HLF: variants seen among roughly 807,000 people sequenced by gnomAD.
HLF encodes hepatic leukemia factor.
In HLF, 3 loss-of-function variants were observed where a neutral mutation model predicts 22.6. The observed-to-expected ratio is 0.13, with a 90% CI of 0.06 to 0.34. The LOEUF (loss-of-function observed/expected upper bound fraction) is 0.34, where lower values mean the gene tolerates loss of function less well. Among genes scored for constraint, HLF ranks in the 10% least tolerant of loss-of-function variants. HLF has a pLI of 1.00. For synonymous variants in HLF, 151 were observed against 151.8 expected (o/e 0.99, Z 0.04); for missense variants, 299 against 389.2 (o/e 0.77, Z 1.95).
chr17:55,320,681 A>T lies in HLF; in HGVS notation c.690A>T (p.Ala230=). 6.2e-7 allele frequency: 1 copy of T among 1,614,140 alleles called. No homozygotes were observed. Among genetic ancestry groups the T allele is most frequent in the Non-Finnish European group, 8.5e-7 (1 of 1,179,982 alleles). Residue 230 remains alanine (A), a synonymous_variant, in exon 4 of 4, where the codon GCA becomes GCT. Coordinates refer to ENST00000226067, the MANE Select transcript of HLF (RefSeq NM_002126.5). The surrounding 1 kb of genome is among the most constrained non-coding windows in gnomAD (Gnocchi z 4.2). The part of the protein sequence containing the change: ...PDDLKDDKYW[A]RRRKNNMAAK... The stretch of plus-strand genomic sequence containing the variant: ...ATGAGCAGGATGACAAGTACTGGGC[A>T]AGGCGCAGAAAGAACAACATGGCAG...
chr17:55,307,369 G>A (rs1317610130), intron 2 of HLF, among the ~76,000 whole-genome samples: 3 of 151,014 alleles, frequency 2.0e-5, no homozygotes, highest in Non-Finnish European at 2.9e-5. Flanking sequence ...GGGATTCACC[G>A]TGTTACCCAG....
chr17:55,285,575 A>G (rs937868003), intron 2 of HLF, among the ~76,000 whole-genome samples: 2 of 152,128 alleles, frequency 1.3e-5, no homozygotes, highest in Non-Finnish European at 2.9e-5. Flanking sequence ...CACGTTTTCC[A>G]GGGCTGTTGG....
At chr17:55,281,166 G>A (rs1417166550) in intron 2 of HLF, among the ~76,000 whole-genome samples, 1 of 152,180 alleles carries the variant, frequency 6.6e-6, no homozygotes, top group African/African-American at 2.4e-5. Context: ...TCTTGTGAGG[G>A]ATGTTGAATT....
chr17:55,315,587 C>G (rs1905034829), intron 3 of HLF, 140 bp downstream of exon 3: 2 of 665,518 alleles, frequency 3.0e-6, no homozygotes, highest in African/African-American at 3.6e-5. Flanking sequence ...TGGCATGTGA[C>G]TTCTAGGCCA....
At position 55,282,299 on chromosome 17, in the gene HLF, T is replaced by C. The variant is rs149822930; in HGVS notation, c.451+14213T>C. Among the ~76,000 whole-genome samples, 381 of 152,334 alleles carry C rather than the reference T, an allele frequency of 2.5e-3. 1 individual carries two copies. Among genetic ancestry groups the C allele is most frequent in the African/African-American group, 8.5e-3 (352 of 41,580 alleles). ...CTGGACTGGGTCTTTGTAAGCTCCG[T>C]GATGCTGCTTTGGGAACACAAGAGA... On this transcript the variant is annotated intron_variant, in intron 2 of 3. Transcript: ENST00000226067.
intron 1 of HLF, among the ~76,000 whole-genome samples, chr17:55,266,510 G>A (rs1394218951): frequency 6.6e-6 from 1 of 152,266 alleles, no homozygotes; most frequent in African/African-American, 2.4e-5. Flanking sequence ...GCTACAAATA[G>A]CTTGGGAGTA....
chr17:55,270,754 G>A (rs888413035), intron 2 of HLF, among the ~76,000 whole-genome samples: 6 of 149,998 alleles, frequency 4.0e-5, no homozygotes, highest in African/African-American at 7.4e-5. Context: ...TCCGCCTCCC[G>A]GGTTCACGCC....
At position 55,320,459 on chromosome 17, in the gene HLF, C is replaced by T. The variant is rs781621986; in HGVS notation, c.673-205C>T. ...AGAGTAGGAGCCTGTTGGGACAGAT[C>T]GGTGGGTCCTTGCTCCAAGAAGGAA... On this transcript the variant is annotated intron_variant, in intron 3 of 3. Transcript: ENST00000226067. The surrounding 1 kb of genome is among the most constrained non-coding windows in gnomAD (Gnocchi z 4.2). Among the ~76,000 whole-genome samples the T allele has an allele frequency of 2.6e-5, 4 of 152,086 alleles. No individual in the cohort carries two copies. Among genetic ancestry groups the T allele is most frequent in the Non-Finnish European group, 5.9e-5 (4 of 68,010 alleles).
At chr17:55,287,440 G>T (rs746194301) in intron 2 of HLF, among the ~76,000 whole-genome samples, 1 of 152,166 alleles carries the variant, frequency 6.6e-6, no homozygotes, top group Non-Finnish European at 1.5e-5. Context: ...TGTAAGCCCT[G>T]GCCAGTTGCC....
intron 2 of HLF, among the ~76,000 whole-genome samples, chr17:55,280,764 A>G (rs905858467): frequency 3.3e-5 from 5 of 152,200 alleles, no homozygotes; most frequent in East Asian, 1.9e-4. Flanking sequence ...TCTCAAATAC[A>G]TAATTCTTAA....
chr17:55,303,464 G>A (rs1904393407), intron 2 of HLF, among the ~76,000 whole-genome samples: 1 of 152,180 alleles, frequency 6.6e-6, no homozygotes, highest in Non-Finnish European at 1.5e-5. Flanking sequence ...GTAACTTTGG[G>A]ATGGAGTGAG....
intron 2 of HLF, among the ~76,000 whole-genome samples, chr17:55,307,657 G>C (rs866304451): frequency 6.6e-6 from 1 of 152,108 alleles, no homozygotes; most frequent in Non-Finnish European, 1.5e-5. Flanking sequence ...GGGGTGTTAT[G>C]TCCAGCTGCT....
chr17:55,270,204 A>G (rs1442003973), intron 2 of HLF, among the ~76,000 whole-genome samples: 1 of 152,244 alleles, frequency 6.6e-6, no homozygotes, highest in African/African-American at 2.4e-5. Context: ...ATCAAAGGGA[A>G]CACTGAGGGT....
At chr17:55,296,409 G>A (rs757155641) in intron 2 of HLF, among the ~76,000 whole-genome samples, 11 of 152,070 alleles carry the variant, frequency 7.2e-5, no homozygotes, top group Admixed American at 2.0e-4. Context: ...CAGTTTCTGC[G>A]TACTCTTCCA....
chr17:55,275,284 C>G (rs2080895364), intron 2 of HLF, among the ~76,000 whole-genome samples: 1 of 152,108 alleles, frequency 6.6e-6, no homozygotes, highest in Non-Finnish European at 1.5e-5. Context: ...TCTATAGATA[C>G]AGGGTTTTGT....
Position 55,307,444 on chromosome 17 carries a change from C to T in HLF, c.452-7783C>T, listed in dbSNP as rs143418284. ...TTGGCCTCCCAAAGTGCTGGCATTA[C>T]AAGCATGAGCCACCATGCCCAGCCT... is the stretch of plus-strand genomic sequence containing the variant. On this transcript the variant is annotated intron_variant, in intron 2 of 3. Coordinates refer to ENST00000226067, the MANE Select transcript of HLF (RefSeq NM_002126.5). Among the ~76,000 whole-genome samples the T allele has an allele frequency of 4.2e-3, 633 of 152,120 alleles. 3 individuals are homozygous for T. Among genetic ancestry groups the T allele is most frequent in the Non-Finnish European group, 6.9e-3 (470 of 67,990 alleles).
At chr17:55,304,563 C>G (rs1475140585) in intron 2 of HLF, among the ~76,000 whole-genome samples, 1 of 152,212 alleles carries the variant, frequency 6.6e-6, no homozygotes, top group African/African-American at 2.4e-5. Flanking sequence ...TAATCCAGCC[C>G]AAGCTCCTGC....
intron 2 of HLF, among the ~76,000 whole-genome samples, chr17:55,296,970 A>G (rs1349702834): frequency 6.6e-6 from 1 of 152,092 alleles, no homozygotes; most frequent in Non-Finnish European, 1.5e-5. Flanking sequence ...GAGAACTTAC[A>G]TATGTTCTTA....
chr17:55,296,837 A>T (rs73990640), intron 2 of HLF, among the ~76,000 whole-genome samples: 6,267 of 145,352 alleles, frequency 0.043, 189 homozygotes, highest in South Asian at 0.14. Flanking sequence ...ATTCAAAAAA[A>T]TTTTTTTTTT....
Sources: gnomAD v4.1 joint callset for allele counts (sites outside exome capture counted in the v4.1 genomes callset) on GRCh38, gnomAD v4.1.1 for gene constraint, Gnocchi (gnomAD v3.1) non-coding constraint, MANE v1.5 for transcripts, NCBI Gene and HGNC (gene_info 2026-07-23, HGNC 2026-07-21) for gene names.